Variants in PTPRT observed in about 807,000 individuals in gnomAD.
The protein encoded by PTPRT is protein tyrosine phosphatase receptor type T, also known as receptor-type tyrosine-protein phosphatase T.
PTPRT carries 56 observed loss-of-function variants against 176.8 expected under a neutral mutation model. The observed-to-expected ratio is 0.32, with a 90% CI of 0.26 to 0.40. The LOEUF is 0.40. Ranked by LOEUF, PTPRT falls within the 10% of genes least tolerant of loss-of-function variation. The pLI, the probability that PTPRT is intolerant of heterozygous loss-of-function variation, is 1.00. For synonymous variants in PTPRT, 783 were observed against 739.0 expected (o/e 1.06, Z -0.96); for missense variants, 1,540 against 1,908.2 (o/e 0.81, Z 3.60).
intron 3 of PTPRT, among the ~76,000 whole-genome samples, chr20:42,789,505 C>T (rs746257630): frequency 3.3e-5 from 5 of 152,094 alleles, no homozygotes; most frequent in Admixed American, 6.6e-5. Context: ...AAAATGGGTA[C>T]GTAGTACCTG....
intron 7 of PTPRT, among the ~76,000 whole-genome samples, chr20:42,572,456 C>T (rs1601295243): frequency 6.6e-6 from 1 of 152,256 alleles, no homozygotes; most frequent in East Asian, 1.9e-4. Context: ...CTTCCCCCAG[C>T]TTCCACCCAC....
At chr20:42,765,230 G>C (rs983871708) in intron 5 of PTPRT, among the ~76,000 whole-genome samples, 2 of 152,162 alleles carry the variant, frequency 1.3e-5, no homozygotes, top group African/African-American at 4.8e-5. Flanking sequence ...TCCTTTGTAG[G>C]GAGGCCTGAG....
chr20:42,063,229 CA>C, the PTPRT span, among the ~76,000 whole-genome samples: 1 of 152,176 alleles, frequency 6.6e-6, no homozygotes, highest in African/African-American at 2.4e-5. Context: ...TTCTGTCAAG[CA>C]GGACATGAGC....
intron 17 of PTPRT, among the ~76,000 whole-genome samples, chr20:42,157,048 C>T (rs545100515): frequency 4.6e-5 from 7 of 152,232 alleles, no homozygotes; most frequent in South Asian, 4.2e-4. Flanking sequence ...TTTCTCCAGT[C>T]GAATCTCCTA....
intron 1 of PTPRT, among the ~76,000 whole-genome samples, chr20:43,060,116 C>G (rs1294358912): frequency 6.6e-6 from 1 of 152,094 alleles, no homozygotes; most frequent in Non-Finnish European, 1.5e-5. Context: ...AAAGCCTGTT[C>G]CACATTTTCA....
chr20:42,608,149 CTG>C (rs1197081450), intron 7 of PTPRT, among the ~76,000 whole-genome samples: 1 of 152,190 alleles, frequency 6.6e-6, no homozygotes, highest in Non-Finnish European at 1.5e-5. Context: ...GGCCCAAACT[CTG>C]CATCTGGCAC....
intron 11 of PTPRT, among the ~76,000 whole-genome samples, chr20:42,322,861 C>T (rs2057821233): frequency 6.6e-6 from 1 of 152,096 alleles, no homozygotes; most frequent in Non-Finnish European, 1.5e-5. Flanking sequence ...GCCTACTCAT[C>T]TGACAAAGGG....
intron 1 of PTPRT, among the ~76,000 whole-genome samples, chr20:43,101,962 A>C (rs2012406199): frequency 6.6e-6 from 1 of 152,226 alleles, no homozygotes; most frequent in African/African-American, 2.4e-5. Flanking sequence ...GGGAAGTCCA[A>C]GATCAAGGTT....
At chr20:42,893,030 GA>G (rs1339662515) in intron 1 of PTPRT, among the ~76,000 whole-genome samples, 2 of 152,092 alleles carry the variant, frequency 1.3e-5, no homozygotes, top group Non-Finnish European at 2.9e-5. Flanking sequence ...GAAGAACTCA[GA>G]AATCAGGCTG....
intron 8 of PTPRT, among the ~76,000 whole-genome samples, chr20:42,466,284 C>T (rs1391292968): frequency 6.6e-6 from 1 of 152,112 alleles, no homozygotes; most frequent in African/African-American, 2.4e-5. Flanking sequence ...TAATGAGACA[C>T]AGTTTTTACT....
In PTPRT at chr20:42,471,133, C is replaced by T. The variant is rs563179682; in HGVS notation, c.1450+1133G>A. Among the ~76,000 whole-genome samples the T allele has an allele frequency of 5.9e-5, 9 of 152,242 alleles. No homozygotes were observed. In the East Asian group the frequency reaches 7.7e-4, roughly 13 times the overall value. Reference sequence around the variant, plus strand: ...CAGTTCTGGGTGGATCCAATGTGTACGCTAAGCTTTTTATATCTATTTTCT... The same window carrying T: ...CAGTTCTGGGTGGATCCAATGTGTATGCTAAGCTTTTTATATCTATTTTCT... On this transcript the variant is annotated intron_variant, in intron 8 of 30. Coordinates refer to ENST00000373187, the MANE Select transcript of PTPRT (RefSeq NM_007050.6).
chr20:42,703,611 C>T (rs1196335224), intron 6 of PTPRT, among the ~76,000 whole-genome samples: 2 of 152,158 alleles, frequency 1.3e-5, no homozygotes, highest in African/African-American at 2.4e-5. Flanking sequence ...ATTTATTAAA[C>T]CTCAGCTCTT....
intron 15 of PTPRT, among the ~76,000 whole-genome samples, chr20:42,224,001 T>A (rs2055946513): frequency 6.6e-6 from 1 of 152,222 alleles, no homozygotes; most frequent in Non-Finnish European, 1.5e-5. Flanking sequence ...AATCTTTCCA[T>A]TCTTCCACTT....
chr20:43,060,275 C>T (rs896256801), intron 1 of PTPRT, among the ~76,000 whole-genome samples: 8 of 152,144 alleles, frequency 5.3e-5, no homozygotes, highest in Non-Finnish European at 1.0e-4. Context: ...AGTCCAAATT[C>T]AAGGCTACAA....
chr20:42,516,575 G>A (rs2072071576), intron 7 of PTPRT, among the ~76,000 whole-genome samples: 1 of 152,064 alleles, frequency 6.6e-6, no homozygotes, highest in Admixed American at 6.6e-5. Context: ...TTTACATTTG[G>A]GGGATATGGC....
chr20:42,904,296 C>A (rs575978931), intron 1 of PTPRT, among the ~76,000 whole-genome samples: 1 of 152,306 alleles, frequency 6.6e-6, no homozygotes, highest in African/African-American at 2.4e-5. Context: ...GAACTTCTAA[C>A]GAAGCTGCAA....
chr20:42,980,900 A>T (rs77004037), intron 1 of PTPRT, among the ~76,000 whole-genome samples: 12,001 of 152,258 alleles, frequency 0.079, 611 homozygotes, highest in Middle Eastern at 0.14. Context: ...AACCATTTGA[A>T]ATGTGAGCAT....
At position 42,519,024 on chromosome 20, in the gene PTPRT, G is replaced by A. The variant is rs935602521; in HGVS notation, c.1154-46462C>T. Reference sequence around the variant, plus strand: ...TTTTAACATCTTCCAAAACTATGGTGCAATGTCCTGATCGAGTTCTTCATG... The same window carrying A: ...TTTTAACATCTTCCAAAACTATGGTACAATGTCCTGATCGAGTTCTTCATG... On this transcript the variant is annotated intron_variant, in intron 7 of 30. Coordinates refer to ENST00000373187, the MANE Select transcript of PTPRT (RefSeq NM_007050.6). Among the ~76,000 whole-genome samples, 13 of 152,078 alleles carry A rather than the reference G, an allele frequency of 8.5e-5. No individual in the cohort carries two copies. In the South Asian group the frequency reaches 2.7e-3, roughly 32 times the overall value.
At chr20:42,185,626 T>A (rs1990748109) in intron 16 of PTPRT, among the ~76,000 whole-genome samples, 1 of 152,188 alleles carries the variant, frequency 6.6e-6, no homozygotes, top group Non-Finnish European at 1.5e-5. Context: ...TTTATTCAAT[T>A]CTGAACGCTG....
Sources: allele counts gnomAD v4.1 joint callset (sites outside exome capture counted in the v4.1 genomes callset), GRCh38; gene constraint gnomAD v4.1.1; transcripts MANE v1.5; gene names NCBI Gene and HGNC (gene_info 2026-07-23, HGNC 2026-07-21).